ATG7: variants seen among roughly 807,000 people sequenced by gnomAD.
ATG7 encodes ubiquitin-like modifier-activating enzyme ATG7.
ATG7 carries 70 observed loss-of-function variants against 82.4 expected under a neutral mutation model. The observed-to-expected ratio is 0.85, with a 90% CI of 0.70 to 1.04. ATG7 has a LOEUF of 1.04. ATG7 is among the 50% of genes least tolerant of loss of function. The pLI is 0.00. For missense variants in ATG7, 792 were observed against 864.3 expected (o/e 0.92, Z 1.05); for synonymous variants, 287 against 313.0 (o/e 0.92, Z 0.88).
At chr3:11,298,651 G>A in intron 3 of ATG7, 35 bp from the exon 4 acceptor site, 1 of 1,586,572 alleles carries the variant, frequency 6.3e-7, no homozygotes, top group South Asian at 1.1e-5. Flanking sequence ...GCATGGATAT[G>A]TTATTTTGCT....
chr3:11,573,399 A>G, the ATG7 span, among the ~76,000 whole-genome samples: 7 of 149,994 alleles, frequency 4.7e-5, no homozygotes, highest in African/African-American at 1.2e-4. Flanking sequence ...AAGAAAGAAA[A>G]TGGCCCCATA....
At chr3:11,301,347 A>T (rs1946761746) in intron 5 of ATG7, among the ~76,000 whole-genome samples, 1 of 152,190 alleles carries the variant, frequency 6.6e-6, no homozygotes, top group African/African-American at 2.4e-5. Flanking sequence ...CAGTATCAAG[A>T]TGGGGAATTT....
At chr3:11,332,222 C>T (rs1193747247) in intron 10 of ATG7, among the ~76,000 whole-genome samples, 1 of 152,084 alleles carries the variant, frequency 6.6e-6, no homozygotes, top group African/African-American at 2.4e-5. Flanking sequence ...ACTATTAATA[C>T]AGAGATCAGC....
chr3:11,339,343 G>A (rs1953131919), intron 11 of ATG7, among the ~76,000 whole-genome samples: 1 of 146,716 alleles, frequency 6.8e-6, no homozygotes, highest in South Asian at 2.3e-4. Flanking sequence ...CGTATAATTA[G>A]AAACAAAATT....
At chr3:11,349,740 C>T (rs1362495063) in intron 14 of ATG7, among the ~76,000 whole-genome samples, 2 of 152,226 alleles carry the variant, frequency 1.3e-5, no homozygotes, top group Middle Eastern at 3.4e-3. Context: ...TCCTCCATCA[C>T]CAGGATACTT....
intron 20 of ATG7, among the ~76,000 whole-genome samples, chr3:11,485,707 T>C (rs1376494373): frequency 1.3e-5 from 2 of 152,242 alleles, no homozygotes; most frequent in African/African-American, 2.4e-5. Flanking sequence ...CCATCTTGAA[T>C]TAATTTTTGT....
intron 5 of ATG7, among the ~76,000 whole-genome samples, chr3:11,303,657 GACTCCGTCTCTAAAA>G (rs985053999): frequency 2.0e-4 from 30 of 151,034 alleles, no homozygotes; most frequent in African/African-American, 6.6e-4. Context: ...GACAGAGCGA[GACTCCGTCTCTAAAA>G]AAAAAAAAAG....
chr3:11,531,390 T>A (rs1298745312), intron 20 of ATG7, among the ~76,000 whole-genome samples: 1 of 152,176 alleles, frequency 6.6e-6, no homozygotes, highest in East Asian at 1.9e-4. Context: ...ATGAATGCAC[T>A]GGGGTGCAAC....
intron 17 of ATG7, 66 bp downstream of exon 17, chr3:11,362,994 TC>T: frequency 7.4e-7 from 1 of 1,353,644 alleles, no homozygotes; most frequent in Non-Finnish European, 1.0e-6. Flanking sequence ...CATCAGTGTC[TC>T]CCATGGCCTT....
chr3:11,509,488 T>C (rs1007346070), intron 20 of ATG7, among the ~76,000 whole-genome samples: 1 of 152,166 alleles, frequency 6.6e-6, no homozygotes, highest in East Asian at 1.9e-4. Context: ...ACTCCTTGTA[T>C]GTCACAGACA....
the ATG7 span, among the ~76,000 whole-genome samples, chr3:11,566,195 G>A: frequency 6.6e-6 from 1 of 152,024 alleles, no homozygotes; most frequent in Non-Finnish European, 1.5e-5. Context: ...CACACAGAAT[G>A]TTACACACAC....
At chr3:11,564,576 G>A in the ATG7 span, among the ~76,000 whole-genome samples, 1 of 151,428 alleles carries the variant, frequency 6.6e-6, no homozygotes, top group Non-Finnish European at 1.5e-5. Flanking sequence ...CAAGGCCCGG[G>A]CAGGTCTGGG....
chr3:11,305,769 G>A (rs968420141), intron 5 of ATG7, among the ~76,000 whole-genome samples: 5 of 152,176 alleles, frequency 3.3e-5, no homozygotes, highest in African/African-American at 1.2e-4. Flanking sequence ...CCTGACAGAC[G>A]GCATTTGACA....
At chr3:11,421,524 G>A (rs192577186) in intron 19 of ATG7, among the ~76,000 whole-genome samples, 178 of 152,206 alleles carry the variant, frequency 1.2e-3, no homozygotes, top group Non-Finnish European at 2.1e-3. Context: ...ACATCTTCAG[G>A]CTCCACTTTT....
intron 19 of ATG7, among the ~76,000 whole-genome samples, chr3:11,424,339 A>G (rs565014719): frequency 1.6e-3 from 244 of 152,198 alleles, no homozygotes; most frequent in Non-Finnish European, 2.1e-3. Context: ...AGAAATATTA[A>G]ATATTCAATG....
intron 20 of ATG7, among the ~76,000 whole-genome samples, chr3:11,509,435 G>A (rs888842613): frequency 1.4e-4 from 21 of 151,824 alleles, no homozygotes; most frequent in Non-Finnish European, 8.8e-5. Flanking sequence ...GCTCCTGATG[G>A]CCAGCCACTT....
Position 11,556,936 on chromosome 3 carries a change from A to G in ATG7, c.*2093A>G, listed in dbSNP as rs935134688. On this transcript the variant is annotated 3_prime_UTR_variant, in exon 21 of 21. Transcript: ENST00000693202. ...GGCCTGCAGCCACTCTGTGACTACA[A>G]GAGCCAGTCCTCCGACCTTTTCACC... 6.5e-6 allele frequency: 1 copy of G among 152,782 alleles called. No homozygotes were observed. The highest frequency in any genetic ancestry group is 2.4e-5 in the African/African-American group (1 of 41,462). The allele number at this position is 152,782 out of a possible 1,614,324, so 9.5% of individuals were successfully genotyped here.
At chr3:11,321,999 C>G (rs1176905345) in intron 9 of ATG7, among the ~76,000 whole-genome samples, 1 of 152,118 alleles carries the variant, frequency 6.6e-6, no homozygotes, top group Non-Finnish European at 1.5e-5. Flanking sequence ...GTTGCCAGTT[C>G]AGCAGCCCCC....
chr3:11,543,965 G>A (rs923158529), intron 20 of ATG7, among the ~76,000 whole-genome samples: 2 of 152,146 alleles, frequency 1.3e-5, no homozygotes, highest in Admixed American at 6.5e-5. Flanking sequence ...TCCCTACAGG[G>A]CATGAACCAT....
Sources: gnomAD v4.1 joint callset for allele counts (sites outside exome capture counted in the v4.1 genomes callset) on GRCh38, gnomAD v4.1.1 for gene constraint, MANE v1.5 for transcripts, NCBI Gene and HGNC (gene_info 2026-07-23, HGNC 2026-07-21) for gene names.